MYH16: variants seen among roughly 807,000 people sequenced by gnomAD.
The protein encoded by MYH16 is myosin heavy chain 16, also known as putative uncharacterized protein MYH16.
intron 23 of MYH16, among the ~76,000 whole-genome samples, chr7:99,282,785 G>A (rs1016510696): frequency 1.1e-4 from 17 of 150,956 alleles, no homozygotes; most frequent in Middle Eastern, 3.2e-3. Context: ...AGCTATGATC[G>A]TACCACTGTA....
rs1261895249 is a variant in MYH16 at position 99,285,813 on chromosome 7, A to G, written n.3373+375A>G. ...GGATGAAGGTGTAAACAGAGAAAGC[A>G]CGTGTTAGCAAGAGCAGAGCATGGA... On this transcript the variant is annotated intron_variant and non_coding_transcript_variant, in intron 27 of 41. Transcript: ENST00000439784. Among the ~76,000 whole-genome samples the G allele has an allele frequency of 2.6e-5, 4 of 152,230 alleles. No individual in the cohort carries two copies. In the East Asian group the frequency reaches 7.7e-4, roughly 29 times the overall value.
exon 8 of MYH16, chr7:99,253,768 G>A (rs963169178): frequency 2.0e-5 from 4 of 199,790 alleles, no homozygotes; most frequent in Admixed American, 4.6e-5. Flanking sequence ...GCAAGCAGCC[G>A]AGAGAAGCTA....
At chr7:99,257,607 T>C (rs1333768986) in intron 10 of MYH16, among the ~76,000 whole-genome samples, 1 of 152,182 alleles carries the variant, frequency 6.6e-6, no homozygotes, top group African/African-American at 2.4e-5. Context: ...AGTCAAGACA[T>C]GATTTTGGCT....
At chr7:99,277,935 GAGACAGACAGACAGACAGACAGAC>G (rs776604184) in intron 21 of MYH16, among the ~76,000 whole-genome samples, 30 of 143,878 alleles carry the variant, frequency 2.1e-4, no homozygotes, top group African/African-American at 7.0e-4. Context: ...GAGAGAGAGA[GAGACAGACAGACAGACAGACAGAC>G]AGACAGACAG....
chr7:99,250,336 T>C (rs1584341281), intron 5 of MYH16, among the ~76,000 whole-genome samples: 1 of 152,300 alleles, frequency 6.6e-6, no homozygotes, highest in African/African-American at 2.4e-5. Flanking sequence ...CCCTTGTTCT[T>C]GGCAGAGGAG....
intron 22 of MYH16, 59 bp downstream of exon 4, chr7:99,279,796 T>G (rs1342397086): frequency 4.7e-6 from 2 of 427,184 alleles, no homozygotes; most frequent in Non-Finnish European, 9.3e-6. Context: ...GGGCCATACC[T>G]AAAGCCCCTA....
chr7:99,269,301 G>A (rs1350643193), intron 18 of MYH16, among the ~76,000 whole-genome samples: 1 of 147,186 alleles, frequency 6.8e-6, no homozygotes, highest in Admixed American at 6.8e-5. Context: ...TAAGAGACAT[G>A]GTCTTGCTCT....
At chr7:99,304,430 C>G (rs1279113568) in intron 39 of MYH16, among the ~76,000 whole-genome samples, 156 bp from the exon 21 acceptor site, 1 of 152,196 alleles carries the variant, frequency 6.6e-6, no homozygotes, top group East Asian at 1.9e-4. Context: ...ATAGAGCACC[C>G]CTTCCACCAA....
exon 22 of MYH16, chr7:99,279,655 A>C (rs1451322206): frequency 2.2e-6 from 1 of 456,532 alleles, no homozygotes; most frequent in African/African-American, 2.0e-5. Context: ...GCCAAGCGCA[A>C]GTTGGAAGGG....
At chr7:99,282,988 T>A (rs1206447996) in intron 23 of MYH16, among the ~76,000 whole-genome samples, 1 of 152,190 alleles carries the variant, frequency 6.6e-6, no homozygotes, top group East Asian at 1.9e-4. Flanking sequence ...TTCTTCATGG[T>A]ACCAGATTGT....
chr7:99,260,544 T>TGGGCTATTGCATGCCACCATTCAC (rs1791927639), intron 12 of MYH16: 2 of 287,576 alleles, frequency 7.0e-6, no homozygotes, highest in Admixed American at 8.6e-5. Flanking sequence ...CCACCATTCA[T>TGGGCTATTGCATGCCACCATTCAC]TGGATCATCA....
chr7:99,240,576 C>G (rs4269467), intron 1 of MYH16, among the ~76,000 whole-genome samples: 1 of 152,124 alleles, frequency 6.6e-6, no homozygotes, highest in Non-Finnish European at 1.5e-5. Flanking sequence ...AGAGGCCAGA[C>G]GCGGCAGCTC....
intron 37 of MYH16, among the ~76,000 whole-genome samples, chr7:99,300,569 G>A (rs1192894717): frequency 6.6e-6 from 1 of 152,168 alleles, no homozygotes; most frequent in Non-Finnish European, 1.5e-5. Flanking sequence ...TCAGGAGGCT[G>A]AAGAGAGAGG....
intron 2 of MYH16, among the ~76,000 whole-genome samples, chr7:99,247,196 G>A (rs567274425): frequency 1.3e-5 from 2 of 152,228 alleles, no homozygotes; most frequent in African/African-American, 2.4e-5. Context: ...TTTTTGAGAC[G>A]GAGTCTCACT....
At chr7:99,266,123 G>C (rs901122356) in intron 17 of MYH16, among the ~76,000 whole-genome samples, 1 of 151,684 alleles carries the variant, frequency 6.6e-6, no homozygotes, top group African/African-American at 2.4e-5. Flanking sequence ...AGCTCTTCTG[G>C]TCCAAAAAAA....
chr7:99,279,860 GGTT>G, intron 22 of MYH16, 123 bp downstream of exon 4: 1 of 357,914 alleles, frequency 2.8e-6, no homozygotes, highest in Non-Finnish European at 5.5e-6. Flanking sequence ...GTTTTTTGGG[GGTT>G]TTTTTTTGTT....
At chr7:99,301,993 GT>G (rs1792601736) in intron 38 of MYH16, among the ~76,000 whole-genome samples, 189 bp downstream of exon 19, 1 of 152,130 alleles carries the variant, frequency 6.6e-6, no homozygotes, top group South Asian at 2.1e-4. Context: ...TGACTTAAAA[GT>G]CCAGGATATA....
chr7:99,275,356 T>A (rs1337391680), intron 20 of MYH16, among the ~76,000 whole-genome samples: 1 of 152,102 alleles, frequency 6.6e-6, no homozygotes, highest in African/African-American at 2.4e-5. Flanking sequence ...AGTCTCAAAC[T>A]CCTGATCTCA....
intron 19 of MYH16, among the ~76,000 whole-genome samples, chr7:99,271,648 C>G (rs1010655497): frequency 6.6e-6 from 1 of 152,182 alleles, no homozygotes; most frequent in Non-Finnish European, 1.5e-5. Flanking sequence ...TATGTGATAA[C>G]TTGATACATT....
Sources: gnomAD v4.1 joint callset for allele counts (sites outside exome capture counted in the v4.1 genomes callset) on GRCh38, gnomAD v4.1.1 for gene constraint, MANE v1.5 for transcripts, NCBI Gene and HGNC (gene_info 2026-07-23, HGNC 2026-07-21) for gene names.